The following YIPF7 variants were observed in gnomAD, a reference collection of about 807,000 sequenced individuals.
YIPF7 encodes protein YIPF7.
In YIPF7, 35 loss-of-function variants were observed where a neutral mutation model predicts 27.2. The ratio of observed to expected loss-of-function variants is 1.29; its 90% CI spans 0.98 to 1.70. The LOEUF is 1.70. Ranked by LOEUF, YIPF7 falls within the 40% of genes most tolerant of loss-of-function variation. The pLI is 0.00. For missense variants in YIPF7, 358 were observed against 303.7 expected (o/e 1.18, Z -1.33); for synonymous variants, 137 against 110.4 (o/e 1.24, Z -1.51).
chr4:44,645,700 G>A (rs973050293), intron 2 of YIPF7, among the ~76,000 whole-genome samples: 2 of 151,916 alleles, frequency 1.3e-5, no homozygotes, highest in Non-Finnish European at 1.5e-5. Flanking sequence ...AAGAAACATT[G>A]AACTCTGGCT....
chr4:44,652,354 C>T (rs1010878639), upstream of YIPF7, among the ~76,000 whole-genome samples: 1 of 152,152 alleles, frequency 6.6e-6, no homozygotes, highest in South Asian at 2.1e-4. Flanking sequence ...CTGGTGTTCT[C>T]ATCCCTAATA....
At chr4:44,638,153 C>G (rs969626705) in intron 2 of YIPF7, among the ~76,000 whole-genome samples, 6 of 149,506 alleles carry the variant, frequency 4.0e-5, no homozygotes, top group Non-Finnish European at 7.4e-5. Context: ...CCACCTTACT[C>G]CTTGCCCACT....
At chr4:44,632,588 A>G (rs778583486) in intron 3 of YIPF7, among the ~76,000 whole-genome samples, 1 of 152,230 alleles carries the variant, frequency 6.6e-6, no homozygotes, top group Non-Finnish European at 1.5e-5. Context: ...ATAAAGTAGG[A>G]CACTTTTGAA....
intron 4 of YIPF7, among the ~76,000 whole-genome samples, chr4:44,625,302 A>C (rs566289145): frequency 6.6e-6 from 1 of 152,302 alleles, no homozygotes; most frequent in African/African-American, 2.4e-5. Context: ...CCAACTTTAC[A>C]CATGAGGAAA....
At chr4:44,661,021 A>T (rs1463543923) in intron 1 of YIPF7, among the ~76,000 whole-genome samples, 1 of 152,234 alleles carries the variant, frequency 6.6e-6, no homozygotes, top group African/African-American at 2.4e-5. Flanking sequence ...GGAGACTAAA[A>T]TACAAAAACT....
chr4:44,655,102 A>G (rs917327538), upstream of YIPF7, among the ~76,000 whole-genome samples: 9 of 152,050 alleles, frequency 5.9e-5, no homozygotes, highest in Non-Finnish European at 1.0e-4. Flanking sequence ...GAGTTGCTCA[A>G]TAGATATATT....
intron 2 of YIPF7, among the ~76,000 whole-genome samples, chr4:44,659,514 A>G (rs1319411016): frequency 6.6e-6 from 1 of 152,200 alleles, no homozygotes; most frequent in Non-Finnish European, 1.5e-5. Context: ...GAGCAAAGAA[A>G]CGACCAATTC....
intron 2 of YIPF7, among the ~76,000 whole-genome samples, chr4:44,648,370 A>G (rs1713599735): frequency 1.3e-5 from 2 of 152,102 alleles, no homozygotes; most frequent in Admixed American, 1.3e-4. Flanking sequence ...AAAGTTTTGG[A>G]TTTGGGGACA....
At chr4:44,626,740 C>T (rs1273702179) in intron 4 of YIPF7, among the ~76,000 whole-genome samples, 5 of 143,404 alleles carry the variant, frequency 3.5e-5, no homozygotes, top group East Asian at 2.0e-4. Context: ...AGGATCCTCC[C>T]TATTCCATCC....
At chr4:44,640,881 TC>T (rs1252881896) in intron 2 of YIPF7, among the ~76,000 whole-genome samples, 1 of 151,922 alleles carries the variant, frequency 6.6e-6, no homozygotes, top group African/African-American at 2.4e-5. Flanking sequence ...GGACTGGAAT[TC>T]TCAGGACTTC....
intron 4 of YIPF7, among the ~76,000 whole-genome samples, chr4:44,627,857 C>T (rs1443440690): frequency 3.3e-5 from 5 of 151,964 alleles, no homozygotes; most frequent in African/African-American, 9.7e-5. Flanking sequence ...TTCTCGCTTC[C>T]AGTTAAGAAT....
At chr4:44,632,600 C>T (rs542903235) in intron 3 of YIPF7, among the ~76,000 whole-genome samples, 4 of 152,224 alleles carry the variant, frequency 2.6e-5, no homozygotes, top group Admixed American at 2.6e-4. Flanking sequence ...ACTTTTGAAA[C>T]AACACATTTT....
intron 2 of YIPF7, among the ~76,000 whole-genome samples, chr4:44,644,435 G>A (rs1713451937): frequency 6.6e-6 from 1 of 152,344 alleles, no homozygotes; most frequent in East Asian, 1.9e-4. Flanking sequence ...CACACAGCCT[G>A]TGGGCTGTGG....
rs1218405954 is a variant in YIPF7 at position 44,635,970 on chromosome 4, G to A, written c.232C>T (p.Gln78Ter). The change falls in exon 3 of 6, where the codon CAA becomes TAA. Residue 78 changes from glutamine to a stop codon, truncating the protein, a stop_gained. Coordinates refer to ENST00000415895, the MANE Select transcript of YIPF7 (RefSeq NM_182592.3). LOFTEE classifies it high-confidence loss of function. ...QPASNSDYYSQSPYIDSFDEE... is the reference protein window; with the variant it reads ...QPASNSDYYS Reference sequence around the variant, plus strand: ...TCAAAACTGTCAATGTAAGGAGATTGTGAATAATAATCTGAGTTGGATGCT... The same window carrying A: ...TCAAAACTGTCAATGTAAGGAGATTATGAATAATAATCTGAGTTGGATGCT... 5 of 1,613,802 alleles carry A rather than the reference G, an allele frequency of 3.1e-6. No homozygotes were observed. The African/African-American group carries it at 6.7e-5, about 22-fold the overall frequency.
chr4:44,634,697 G>A (rs1319793072), intron 3 of YIPF7, among the ~76,000 whole-genome samples: 1 of 152,048 alleles, frequency 6.6e-6, no homozygotes, highest in Admixed American at 6.6e-5. Flanking sequence ...ATAGAATAAA[G>A]GCTAGAAGAA....
chr4:44,637,570 T>G (rs1713172185), intron 2 of YIPF7, among the ~76,000 whole-genome samples: 1 of 152,220 alleles, frequency 6.6e-6, no homozygotes. Context: ...ATTCATATTC[T>G]TGCCCACTTT....
chr4:44,627,931 AT>A (rs1414062880), intron 4 of YIPF7, among the ~76,000 whole-genome samples: 3 of 152,304 alleles, frequency 2.0e-5, no homozygotes, highest in Admixed American at 2.0e-4. Context: ...TCCAACTAAC[AT>A]TATGCATCCA....
At chr4:44,631,623 C>G (rs1040857237) in intron 3 of YIPF7, among the ~76,000 whole-genome samples, 1 of 151,962 alleles carries the variant, frequency 6.6e-6, no homozygotes, top group Non-Finnish European at 1.5e-5. Flanking sequence ...AAATTAATAG[C>G]AAATAATTTA....
intron 3 of YIPF7, among the ~76,000 whole-genome samples, chr4:44,635,177 G>T (rs1713070881): frequency 6.6e-6 from 1 of 152,024 alleles, no homozygotes; most frequent in African/African-American, 2.4e-5. Flanking sequence ...ATTTCTGCTT[G>T]GTTCTCCAAT....
Sources: gnomAD v4.1 joint callset for allele counts (sites outside exome capture counted in the v4.1 genomes callset) on GRCh38, gnomAD v4.1.1 for gene constraint, MANE v1.5 for transcripts, NCBI Gene and HGNC (gene_info 2026-07-23, HGNC 2026-07-21) for gene names.